PDE10A: variants seen among roughly 807,000 people sequenced by gnomAD.
PDE10A encodes the protein phosphodiesterase 10A.
A neutral mutation model predicts 97.7 loss-of-function variants in PDE10A; 39 were observed. The ratio of observed to expected loss-of-function variants is 0.40; its 90% CI spans 0.31 to 0.52. The LOEUF is 0.52. PDE10A is among the 20% of genes least tolerant of loss of function. The pLI is 0.56. For synonymous variants in PDE10A, 371 were observed against 376.8 expected (o/e 0.98, Z 0.18); for missense variants, 731 against 1,047.8 (o/e 0.70, Z 4.17).
In PDE10A at chr6:165,460,836, C is replaced by T. The variant is rs145093512; in HGVS notation, c.1024-10474G>A. Among the ~76,000 whole-genome samples the T allele has an allele frequency of 1.8e-4, 27 of 151,956 alleles. No individual in the cohort carries two copies. In the East Asian group the frequency reaches 1.9e-3, roughly 11 times the overall value. On this transcript the variant is annotated intron_variant, in intron 3 of 21. Coordinates refer to ENST00000539869, the MANE Select transcript of PDE10A (RefSeq NM_001385079.1). Reference sequence around the variant, plus strand: ...CAGAATCAACATACAATGCATGAAACGAGGTATGTCCCTGGTATGGGACTA... The same window carrying T: ...CAGAATCAACATACAATGCATGAAATGAGGTATGTCCCTGGTATGGGACTA...
chr6:165,826,284 C>A (rs1382374549), intron 1 of PDE10A, among the ~76,000 whole-genome samples: 1 of 125,950 alleles, frequency 7.9e-6, no homozygotes, highest in Non-Finnish European at 1.8e-5. Context: ...CTCGATGTCC[C>A]TCTGTCCCCA....
chr6:165,466,330 A>G (rs1778649393), intron 3 of PDE10A, among the ~76,000 whole-genome samples: 1 of 152,224 alleles, frequency 6.6e-6, no homozygotes. Flanking sequence ...TTTAAGTTTA[A>G]GATTGCTAGT....
Position 165,464,581 on chromosome 6 carries a change from C to A in PDE10A, c.1024-14219G>T, listed in dbSNP as rs543746475. Among the ~76,000 whole-genome samples the A allele has an allele frequency of 7.2e-5, 11 of 152,226 alleles. 1 individual carries two copies. The East Asian group carries it at 2.1e-3, about 29-fold the overall frequency. ...TATACAAATCTTAATGGTACTAGTGCATAAATCCTTGTAACATACATCCTA... is the reference window on the plus strand; with the variant it reads ...TATACAAATCTTAATGGTACTAGTGAATAAATCCTTGTAACATACATCCTA... On this transcript the variant is annotated intron_variant, in intron 3 of 21. Coordinates refer to ENST00000539869, the MANE Select transcript of PDE10A (RefSeq NM_001385079.1).
chr6:165,716,698 A>G (rs1792034499), intron 1 of PDE10A, among the ~76,000 whole-genome samples: 1 of 152,160 alleles, frequency 6.6e-6, no homozygotes, highest in Non-Finnish European at 1.5e-5. Flanking sequence ...GTGTGGATCA[A>G]GAGAATTCTG....
intron 1 of PDE10A, among the ~76,000 whole-genome samples, chr6:165,839,585 T>C (rs372030781): frequency 5.0e-4 from 76 of 152,272 alleles, no homozygotes; most frequent in African/African-American, 7.5e-4. Flanking sequence ...ACAGTGGGAA[T>C]TGAAATAGCT....
chr6:165,786,893 T>A (rs1030861486), intron 1 of PDE10A, among the ~76,000 whole-genome samples: 1 of 152,246 alleles, frequency 6.6e-6, no homozygotes. Context: ...GTTGCTAATT[T>A]CAAATCTTCA....
At chr6:165,958,543 AAGAAAGAAAGAAAGAAAGAAAGAC>A (rs1432388190) in intron 1 of PDE10A, among the ~76,000 whole-genome samples, 18 of 84,586 alleles carry the variant, frequency 2.1e-4, no homozygotes, top group African/African-American at 8.6e-4. Context: ...GAAAGAAAGA[AAGAAAGAAAGAAAGAAAGAAAGAC>A]AGACAGAAAG....
chr6:165,866,483 G>A (rs570761098), intron 1 of PDE10A, among the ~76,000 whole-genome samples: 85 of 151,800 alleles, frequency 5.6e-4, no homozygotes, highest in African/African-American at 1.9e-3. Flanking sequence ...GTGCGTAAGG[G>A]CATCCGCAGT....
intron 1 of PDE10A, among the ~76,000 whole-genome samples, chr6:165,925,282 C>T (rs541888386): frequency 4.1e-4 from 63 of 152,276 alleles, no homozygotes; most frequent in African/African-American, 1.4e-3. Context: ...CTAGATCACT[C>T]GTACATTGCT....
intron 1 of PDE10A, among the ~76,000 whole-genome samples, chr6:165,725,220 C>T (rs781497543): frequency 2.6e-5 from 4 of 152,202 alleles, no homozygotes; most frequent in Non-Finnish European, 5.9e-5. Context: ...TCCGATTTTT[C>T]TGGTACACTA....
intron 1 of PDE10A, among the ~76,000 whole-genome samples, chr6:165,767,578 A>G (rs1777889807): frequency 1.3e-5 from 2 of 152,186 alleles, no homozygotes; most frequent in African/African-American, 2.4e-5. Flanking sequence ...CTCTTAGCAT[A>G]ATGTTCTCAA....
At chr6:165,616,827 C>T (rs1787747540) in intron 1 of PDE10A, among the ~76,000 whole-genome samples, 2 of 152,180 alleles carry the variant, frequency 1.3e-5, no homozygotes, top group African/African-American at 4.8e-5. Flanking sequence ...CACTGTGCAC[C>T]ACCAGTTTTC....
chr6:165,862,032 GT>G (rs1780919327), intron 1 of PDE10A, among the ~76,000 whole-genome samples: 1 of 152,214 alleles, frequency 6.6e-6, no homozygotes, highest in African/African-American at 2.4e-5. Context: ...GTGGCTCTGA[GT>G]CTCCTTCCAG....
At chr6:165,983,808 G>A (rs900009896) in intron 1 of PDE10A, among the ~76,000 whole-genome samples, 2 of 152,232 alleles carry the variant, frequency 1.3e-5, no homozygotes, top group South Asian at 2.1e-4. Context: ...GAGTTTGAGA[G>A]GCAGAGAAAA....
intron 1 of PDE10A, among the ~76,000 whole-genome samples, chr6:165,703,724 G>T (rs752288051): frequency 6.6e-6 from 1 of 152,310 alleles, no homozygotes; most frequent in African/African-American, 2.4e-5. Flanking sequence ...TTGGCCTTAG[G>T]CCAAAAGCAC....
intron 18 of PDE10A, among the ~76,000 whole-genome samples, chr6:165,372,033 C>T (rs1453958858): frequency 6.6e-6 from 1 of 150,668 alleles, no homozygotes; most frequent in African/African-American, 2.5e-5. Flanking sequence ...AACAACCCTT[C>T]ATGCTAAAAA....
intron 1 of PDE10A, among the ~76,000 whole-genome samples, chr6:165,700,580 T>C (rs79704489): frequency 0.011 from 1,684 of 152,330 alleles, 37 homozygotes; most frequent in African/African-American, 0.038. Flanking sequence ...CAGGTAATGT[T>C]ATATAAAATA....
chr6:165,379,483 G>C, intron 17 of PDE10A, 117 bp from the exon 18 acceptor site: 1 of 740,378 alleles, frequency 1.4e-6, no homozygotes, highest in Non-Finnish European at 2.0e-6. Context: ...ACTAATGAAA[G>C]GTTTTGGGGT....
chr6:165,546,504 A>T (rs1444107439), intron 1 of PDE10A, among the ~76,000 whole-genome samples: 1 of 152,114 alleles, frequency 6.6e-6, no homozygotes, highest in Non-Finnish European at 1.5e-5. Context: ...CACATGTAAT[A>T]TAAAACGTAT....
Sources: gnomAD v4.1 joint callset for allele counts (sites outside exome capture counted in the v4.1 genomes callset) on GRCh38, gnomAD v4.1.1 for gene constraint, MANE v1.5 for transcripts, NCBI Gene and HGNC (gene_info 2026-07-23, HGNC 2026-07-21) for gene names.